The following DPP4 variants were observed in gnomAD, a reference collection of about 807,000 sequenced individuals.
DPP4 encodes dipeptidyl peptidase 4.
DPP4 carries 93 observed loss-of-function variants against 122.4 expected under a neutral mutation model. The ratio of observed to expected loss-of-function variants is 0.76; its 90% CI spans 0.64 to 0.90. The LOEUF is 0.90. DPP4 is among the 40% of genes least tolerant of loss of function. The pLI is 0.00. For synonymous variants in DPP4, 321 were observed against 302.9 expected (o/e 1.06, Z -0.62); for missense variants, 914 against 907.3 (o/e 1.01, Z -0.09).
rs558390760 is a variant in DPP4 at position 162,042,738 on chromosome 2, G to C, written c.366+2794C>G. 2.6e-5 allele frequency among the ~76,000 whole-genome samples: 4 copies of C among 152,330 alleles called. No individual in the cohort carries two copies. In the South Asian group the frequency reaches 6.2e-4, roughly 24 times the overall value. On this transcript the variant is annotated intron_variant, in intron 5 of 25. Transcript: ENST00000360534. ...CATTTAACAATGATGTTCAGCATCTGCTATGTGGCCCTGTCCTAGGCACAG... is the reference window on the plus strand; with the variant it reads ...CATTTAACAATGATGTTCAGCATCTCCTATGTGGCCCTGTCCTAGGCACAG...
At chr2:162,025,563 A>G (rs1683294822) in intron 10 of DPP4, among the ~76,000 whole-genome samples, 1 of 152,210 alleles carries the variant, frequency 6.6e-6, no homozygotes, top group South Asian at 2.1e-4. Context: ...AAATTTATGT[A>G]AACAGAGGTA....
chr2:162,024,934 T>C lies in DPP4; in HGVS notation c.893A>G (p.His298Arg). The change falls in exon 11 of 26, where the codon CAC becomes CGC. Residue 298 changes from histidine to arginine, a missense_variant. His to Arg is a conservative substitution (Grantham distance 29). Transcript: ENST00000360534. ...TAPASMLIGD[H>R]YLCDVTWATQ... ...TGCCCATGTCACATCACACAAGTAG[T>C]GATCCCTGGAAGGAAGAAAGAAAGG... 9.3e-6 allele frequency: 15 copies of C among 1,612,992 alleles called. No individual in the cohort carries two copies. Among genetic ancestry groups the C allele is most frequent in the Non-Finnish European group, 1.1e-5 (13 of 1,179,938 alleles).
Position 162,073,378 on chromosome 2 carries a change from T to C in DPP4, c.94+21A>G, listed in dbSNP as rs1243339466. ...ACCTGAGCTCCAACTGTCCTATCTT[T>C]TTCAAATGTTTCAAACTTACTGCCT... On this transcript the variant is annotated intron_variant, in intron 2 of 25. Transcript: ENST00000360534. 3 of 1,613,208 alleles carry C rather than the reference T, an allele frequency of 1.9e-6. No individual in the cohort carries two copies. The African/African-American group carries it at 4.0e-5, about 22-fold the overall frequency.
At position 162,005,727 on chromosome 2, in the gene DPP4, T is replaced by C. The variant is rs910198715; in HGVS notation, c.2052+18A>G. On this transcript the variant is annotated intron_variant, in intron 23 of 25. Coordinates refer to ENST00000360534, the MANE Select transcript of DPP4 (RefSeq NM_001935.4). ...TTATAAATAGGTTATAAAATAGGTA[T>C]AGGTCCTCATCTCTTACTCTGTAAT... 1.9e-6 allele frequency: 3 copies of C among 1,606,066 alleles called. No homozygotes were observed. The African/African-American group carries it at 4.0e-5, about 22-fold the overall frequency.
chr2:162,055,852 T>C (rs1410142185), intron 2 of DPP4, among the ~76,000 whole-genome samples: 1 of 152,104 alleles, frequency 6.6e-6, no homozygotes, highest in East Asian at 1.9e-4. Flanking sequence ...ATAGCAACAC[T>C]TCGAAAAAAA....
At chr2:162,065,789 G>T (rs1277346814) in intron 2 of DPP4, among the ~76,000 whole-genome samples, 1 of 152,146 alleles carries the variant, frequency 6.6e-6, no homozygotes, top group Non-Finnish European at 1.5e-5. Flanking sequence ...TGCTTCCATA[G>T]CACTTTGATC....
At chr2:162,000,516 C>T (rs532309225) in intron 23 of DPP4, among the ~76,000 whole-genome samples, 1 of 152,124 alleles carries the variant, frequency 6.6e-6, no homozygotes, top group Non-Finnish European at 1.5e-5. Flanking sequence ...ATCTGAAGGT[C>T]TCTCTCCCTT....
chr2:162,035,018 T>C, intron 9 of DPP4, 146 bp downstream of exon 9: 1 of 671,098 alleles, frequency 1.5e-6, no homozygotes, highest in South Asian at 4.2e-5. Flanking sequence ...ACTTTAAAAT[T>C]GCCAGATGCT....
intron 7 of DPP4, 76 bp from the exon 8 acceptor site, chr2:162,038,498 T>C (rs991735607): frequency 7.7e-6 from 11 of 1,437,092 alleles, no homozygotes; most frequent in African/African-American, 1.5e-5. Context: ...GAAACACTTA[T>C]CTATTGCAAA....
intron 22 of DPP4, among the ~76,000 whole-genome samples, chr2:162,006,075 C>A (rs1701276530): frequency 6.6e-6 from 1 of 152,166 alleles, no homozygotes. Flanking sequence ...CACACTCAGC[C>A]CTAACCCATT....
intron 5 of DPP4, among the ~76,000 whole-genome samples, chr2:162,041,426 T>C (rs765025129): frequency 1.1e-4 from 16 of 152,096 alleles, no homozygotes; most frequent in Non-Finnish European, 2.2e-4. Flanking sequence ...ATGAGACGGA[T>C]GAAATAGGTA....
intron 13 of DPP4, 43 bp downstream of exon 13, chr2:162,020,538 A>C: frequency 1.3e-6 from 2 of 1,507,542 alleles, no homozygotes; most frequent in Non-Finnish European, 9.0e-7. Flanking sequence ...TTCCAAAAAA[A>C]AAAAAGAGGT....
In DPP4 at chr2:162,010,968, A is replaced by G. The variant is rs1023408900; in HGVS notation, c.1832+825T>C. ...AGAAACTCAAAGTTACATTTCCCAC[A>G]TACCAGTTGAATGTAATTAAATATA... is the stretch of plus-strand genomic sequence containing the variant. On this transcript the variant is annotated intron_variant, in intron 20 of 25. Coordinates refer to ENST00000360534, the MANE Select transcript of DPP4 (RefSeq NM_001935.4). Among the ~76,000 whole-genome samples the G allele has an allele frequency of 6.8e-4, 104 of 152,142 alleles. 1 individual carries two copies. The highest frequency in any genetic ancestry group is 1.6e-4 in the Non-Finnish European group (11 of 68,010).
chr2:162,033,315 C>A (rs2106117416), intron 10 of DPP4, among the ~76,000 whole-genome samples: 1 of 152,258 alleles, frequency 6.6e-6, no homozygotes, highest in East Asian at 1.9e-4. Flanking sequence ...CTCCATAACA[C>A]CAGGGGCTGG....
chr2:162,018,729 C>T lies in DPP4; in HGVS notation c.1420G>A (p.Gly474Ser), dbSNP rs201959805. The change falls in exon 16 of 26, where the codon GGT (glycine) becomes AGT (serine). Residue 474 changes from glycine (G) to serine (S), a missense_variant and splice_region_variant. Gly to Ser is a moderately conservative substitution (Grantham distance 56, BLOSUM62 0). Coordinates refer to ENST00000360534, the MANE Select transcript of DPP4 (RefSeq NM_001935.4). ...TCCCTCCCAGGGAGCTCAGACTTACCGGAACATCTCAGCTGATAATACTTC... is the reference window on the plus strand; with the variant it reads ...TCCCTCCCAGGGAGCTCAGACTTACTGGAACATCTCAGCTGATAATACTTC... ...EAKYYQLRCS[G>S]PGLPLYTLHS... The T allele has an allele frequency of 1.9e-6, 3 of 1,613,460 alleles. No individual in the cohort carries two copies. Among genetic ancestry groups the T allele is most frequent in the African/African-American group, 2.7e-5 (2 of 74,882 alleles).
chr2:162,059,789 A>G (rs1209912447), intron 2 of DPP4, among the ~76,000 whole-genome samples: 1 of 152,248 alleles, frequency 6.6e-6, no homozygotes, highest in Non-Finnish European at 1.5e-5. Flanking sequence ...TGCCAGGCAA[A>G]ACATTCAGCA....
At chr2:162,028,404 T>C (rs1378743559) in intron 10 of DPP4, among the ~76,000 whole-genome samples, 2 of 152,180 alleles carry the variant, frequency 1.3e-5, no homozygotes, top group African/African-American at 4.8e-5. Context: ...TACTTTTTAC[T>C]GAAAAGTTTA....
In DPP4 at chr2:162,050,268, C is replaced by T. The variant is rs1576065509; in HGVS notation, c.95-2767G>A. ...TCAAGAGGTATTAGTTTAAAAAGTA[C>T]TTAAAACACACCCTAAATTAGTGTA... On this transcript the variant is annotated intron_variant, in intron 2 of 25. Transcript: ENST00000360534. Among the ~76,000 whole-genome samples, 4 of 152,270 alleles carry T rather than the reference C, an allele frequency of 2.6e-5. No individual in the cohort carries two copies. In the East Asian group the frequency reaches 7.7e-4, roughly 29 times the overall value.
intron 2 of DPP4, among the ~76,000 whole-genome samples, chr2:162,048,896 AAC>A (rs1346822403): frequency 6.6e-6 from 1 of 152,170 alleles, no homozygotes; most frequent in Non-Finnish European, 1.5e-5. Context: ...TTTAGCACCT[AAC>A]ACAGTTCAAT....
Sources: gnomAD v4.1 joint callset for allele counts (sites outside exome capture counted in the v4.1 genomes callset) on GRCh38, gnomAD v4.1.1 for gene constraint, MANE v1.5 for transcripts, NCBI Gene and HGNC (gene_info 2026-07-23, HGNC 2026-07-21) for gene names.